The following SEMA4C variants were observed in gnomAD, a reference collection of about 807,000 sequenced individuals.
SEMA4C encodes semaphorin 4C.
SEMA4C carries 19 observed loss-of-function variants against 89.0 expected under a neutral mutation model. The ratio of observed to expected loss-of-function variants is 0.21; its 90% CI spans 0.15 to 0.31. SEMA4C has a LOEUF of 0.31. Ranked by LOEUF, SEMA4C falls within the 10% of genes least tolerant of loss-of-function variation. The probability of loss-of-function intolerance (pLI) is 1.00; values close to 1 mark genes in which losing one functional copy is unlikely to be tolerated. For synonymous variants in SEMA4C, 428 were observed against 472.7 expected (o/e 0.91, Z 1.23); for missense variants, 811 against 1,107.0 (o/e 0.73, Z 3.79).
chr2:96,865,802 G>T, intron 4 of SEMA4C, 38 bp from the exon 5 acceptor site: 2 of 1,613,474 alleles, frequency 1.2e-6, no homozygotes, highest in Non-Finnish European at 1.7e-6. Context: ...GAGAGCGCGA[G>T]GGCCAGAATG....
intron 11 of SEMA4C, 52 bp from the exon 12 acceptor site, chr2:96,863,846 C>CA: frequency 6.2e-7 from 1 of 1,603,182 alleles, no homozygotes; most frequent in South Asian, 1.1e-5. Flanking sequence ...GGCCGTGGGG[C>CA]AGCTCCAAAT....
rs1397690345 is a variant in SEMA4C at position 96,864,861 on chromosome 2, C to T, written c.806G>A (p.Arg269Gln). The change falls in exon 9 of 15, where the codon CGG becomes CAG. Residue 269 changes from arginine to glutamine, a missense_variant. Coordinates refer to ENST00000305476, the MANE Select transcript of SEMA4C (RefSeq NM_017789.5). The surrounding 1 kb of genome is among the most constrained non-coding windows in gnomAD (Gnocchi z 6.3). The stretch of plus-strand genomic sequence containing the variant: ...CGTGGTCCACTTCCTCTGCAGGGTC[C>T]GTGCGCCCCCCATATCGCCCTGGCA... ...RVCKGDMGGA[R>Q]TLQRKWTTFL... The T allele has an allele frequency of 6.2e-7, 1 of 1,613,160 alleles. No homozygotes were observed. Among genetic ancestry groups the T allele is most frequent in the Non-Finnish European group, 8.5e-7 (1 of 1,179,760 alleles).
chr2:96,864,528 G>A lies in SEMA4C; in HGVS notation c.963-146C>T. 7.1e-7 allele frequency: 1 copy of A among 1,402,632 alleles called. No homozygotes were observed. The highest frequency in any genetic ancestry group is 1.4e-5 in the African/African-American group (1 of 70,628). The allele number at this position is 1,402,632 out of a possible 1,614,324, so 86.9% of individuals were successfully genotyped here. A position where few individuals can be genotyped will look rare whatever the true frequency, so the allele number is the denominator to read the frequency against. ...TGGCAGCTCAAGTGCCACCTGGCATGGGGCCCTGCCCCTTCACAGGCAGCT... is the reference window on the plus strand; with the variant it reads ...TGGCAGCTCAAGTGCCACCTGGCATAGGGCCCTGCCCCTTCACAGGCAGCT... On this transcript the variant is annotated intron_variant, in intron 9 of 14. Transcript: ENST00000305476. This position sits in a 1 kb window ranked among gnomAD's most constrained non-coding sequence, Gnocchi z 6.3.
At chr2:96,866,764 C>T in intron 2 of SEMA4C, 3 of 431,388 alleles carry the variant, frequency 7.0e-6, no homozygotes, top group Non-Finnish European at 1.3e-5. Flanking sequence ...GCACCCCCAC[C>T]CCACCTTCGC....
At position 96,864,738 on chromosome 2, in the gene SEMA4C, T is replaced by G. The variant is rs372109047; in HGVS notation, c.929A>C (p.Asn310Thr). Residue 310 changes from asparagine (N) to threonine (T), a missense_variant, in exon 9 of 15, where the codon AAC (asparagine) becomes ACC (threonine). Asn to Thr is a moderately conservative substitution (Grantham distance 65). Around this residue, in one of 4 missense-constraint regions of SEMA4C, gnomAD observed 441 missense variants for 664.9 expected, o/e 0.66. Coordinates refer to ENST00000305476, the MANE Select transcript of SEMA4C (RefSeq NM_017789.5). The surrounding 1 kb of genome is among the most constrained non-coding windows in gnomAD (Gnocchi z 6.3). ...MHTLQDTSWH[N>T]TTFFGVFQAQ... The stretch of plus-strand genomic sequence containing the variant: ...TTGAAAAACCCCAAAGAAGGTGGTG[T>G]TGTGCCAGGAGGTGTCCTGCAGGGT... 1.7e-4 allele frequency: 279 copies of G among 1,612,630 alleles called. No homozygotes were observed. The highest frequency in any genetic ancestry group is 3.3e-4 in the African/African-American group (25 of 75,032).
At chr2:96,870,638 G>T, upstream of SEMA4C, 6 of 985,470 alleles carry the variant, frequency 6.1e-6, no homozygotes, top group Non-Finnish European at 7.2e-6. Flanking sequence ...CAGCCAGGAA[G>T]ACCCTTCAAT....
At position 96,864,931 on chromosome 2, in the gene SEMA4C, G is replaced by T. The variant is rs771261568; in HGVS notation, c.786+33C>A. 6 of 1,608,034 alleles carry T rather than the reference G, an allele frequency of 3.7e-6. No individual in the cohort carries two copies. Among genetic ancestry groups the T allele is most frequent in the Non-Finnish European group, 4.2e-6 (5 of 1,177,618 alleles). On this transcript the variant is annotated intron_variant, in intron 8 of 14. Coordinates refer to ENST00000305476, the MANE Select transcript of SEMA4C (RefSeq NM_017789.5). The surrounding 1 kb of genome is among the most constrained non-coding windows in gnomAD (Gnocchi z 6.3). ...CGGTCAGCCCCGCTGGGCCAGCAGGGCTCCCAGGGCCCACCGCTGTGAGAC... is the reference window on the plus strand; with the variant it reads ...CGGTCAGCCCCGCTGGGCCAGCAGGTCTCCCAGGGCCCACCGCTGTGAGAC...
Position 96,866,416 on chromosome 2 carries a change from A to G in SEMA4C, c.125T>C (p.Val42Ala). 1 of 1,613,958 alleles carries G rather than the reference A, an allele frequency of 6.2e-7. No homozygotes were observed. Among genetic ancestry groups the G allele is most frequent in the East Asian group, 2.2e-5 (1 of 44,890 alleles). Residue 42 changes from valine to alanine, a missense_variant, in exon 3 of 15, where the codon GTA (valine) becomes GCA (alanine). Val to Ala is a moderately conservative substitution (Grantham distance 64, BLOSUM62 0). This residue lies in a region of SEMA4C where 119 missense variants were observed against 152.7 expected (regional missense o/e 0.78). Coordinates refer to ENST00000305476, the MANE Select transcript of SEMA4C (RefSeq NM_017789.5). The stretch of plus-strand genomic sequence containing the variant: ...GATGCCGGTCTGGGAGAACCGCCGT[A>G]CTACCGTGGCCAGCTCTGCAGGGGT... ...TVSSGELATV[V>A]RRFSQTGIQD...
rs754386752 is a variant in SEMA4C, at chr2:96,861,772, G to A, written c.1566C>T (p.Asn522=). ...ARDPYCAWSV[N]TSRCVAVGGH... is the part of the protein sequence containing the mutation. ...CACCCACGGCCACACAGCGGCTGGT[G>A]TTGACGCTCCAGGCGCAATAGGGGT... is the stretch of plus-strand genomic sequence containing the variant. The change falls in exon 13 of 15, where the codon AAC becomes AAT. Residue 522 remains asparagine (N), a synonymous_variant. Transcript: ENST00000305476. The surrounding 1 kb of genome is among the most constrained non-coding windows in gnomAD (Gnocchi z 7.8). The A allele has an allele frequency of 3.7e-6, 6 of 1,613,504 alleles. No homozygotes were observed. The Admixed American group carries it at 8.3e-5, about 22-fold the overall frequency.
chr2:96,864,260 A>G lies in SEMA4C; in HGVS notation c.1085T>C (p.Val362Ala), dbSNP rs1320180825. 1 of 1,613,910 alleles carries G rather than the reference A, an allele frequency of 6.2e-7. No individual in the cohort carries two copies. The highest frequency in any genetic ancestry group is 1.3e-5 in the African/African-American group (1 of 74,922). ...CACCGAGCCAGGCCGAGGGCTGGGTACAGGGTCAGTGTAGCGGTCCCACTT... is the reference window on the plus strand; with the variant it reads ...CACCGAGCCAGGCCGAGGGCTGGGTGCAGGGTCAGTGTAGCGGTCCCACTT... ...AQKWDRYTDP[V>A]PSPRPGSCIN... The change falls in exon 10 of 15, where the codon GTA becomes GCA. Residue 362 changes from valine (V) to alanine (A), a missense_variant. Transcript: ENST00000305476. This position sits in a 1 kb window ranked among gnomAD's most constrained non-coding sequence, Gnocchi z 6.3.
intron 12 of SEMA4C, chr2:96,863,221 A>T: frequency 1.0e-6 from 1 of 990,624 alleles, no homozygotes. Context: ...AAAAAAAACC[A>T]AAAAGAGTAT....
chr2:96,861,858 G>A lies in SEMA4C; in HGVS notation c.1480C>T (p.Gln494Ter). 1 of 1,612,342 alleles carries A rather than the reference G, an allele frequency of 6.2e-7. No individual in the cohort carries two copies. ...TTCATGCAGTCGGCCACGGGCAGCT[G>A]CACCAGCTGAGAGCGGGAGCCGGCA... Reference protein sequence around the residue: ...LFAGSRSQLVQLPVADCMKYR... With the variant: ...LFAGSRSQLV Residue 494 changes from glutamine to a stop codon, truncating the protein, a stop_gained, in exon 13 of 15, where the codon CAG becomes TAG. Transcript: ENST00000305476. LOFTEE classifies it high-confidence loss of function. The surrounding 1 kb of genome is among the most constrained non-coding windows in gnomAD (Gnocchi z 7.8).
intron 2 of SEMA4C, chr2:96,867,059 C>T (rs1352011834): frequency 2.5e-5 from 5 of 200,412 alleles, no homozygotes; most frequent in Non-Finnish European, 3.1e-5. Flanking sequence ...TGCTGCCACC[C>T]GGCATGCAGG....
chr2:96,866,799 T>G, intron 2 of SEMA4C: 1 of 382,828 alleles, frequency 2.6e-6, no homozygotes. Context: ...CTTCCTTCTT[T>G]GCCCTGCTGC....
At position 96,861,654 on chromosome 2, in the gene SEMA4C, T is replaced by C. The variant is rs1020831011; in HGVS notation, c.1602-5A>G. 8 of 1,581,792 alleles carry C rather than the reference T, an allele frequency of 5.1e-6. No homozygotes were observed. The highest frequency in any genetic ancestry group is 1.3e-5 in the African/African-American group (1 of 74,258). Reference sequence around the variant, plus strand: ...ACATGCTGGATCAGTAGAGATCTGGTAGGGGATGTAGGGTACATCAGCAGC... The same window carrying C: ...ACATGCTGGATCAGTAGAGATCTGGCAGGGGATGTAGGGTACATCAGCAGC... On this transcript the variant is annotated splice_region_variant and splice_polypyrimidine_tract_variant and intron_variant, in intron 13 of 14. Coordinates refer to ENST00000305476, the MANE Select transcript of SEMA4C (RefSeq NM_017789.5). This position sits in a 1 kb window ranked among gnomAD's most constrained non-coding sequence, Gnocchi z 7.8.
In SEMA4C at chr2:96,870,063, G is replaced by A. The variant is rs1380195647; in HGVS notation, c.-225C>T. 4 of 977,850 alleles carry A rather than the reference G, an allele frequency of 4.1e-6. No homozygotes were observed. The highest frequency in any genetic ancestry group is 4.9e-6 in the Non-Finnish European group (4 of 823,042). 60.6% of individuals were successfully genotyped at this position (977,850 alleles called of 1,614,324 possible). On this transcript the variant is annotated 5_prime_UTR_variant, in exon 1 of 15. Coordinates refer to ENST00000305476, the MANE Select transcript of SEMA4C (RefSeq NM_017789.5). ...TCGGGCTCCCCGCGCCACCACGGCG[G>A]GCGCCGGCTCTTTCTCCAGCGCGGC...
At position 96,864,655 on chromosome 2, in the gene SEMA4C, G is replaced by T; in HGVS notation, c.962+50C>A. 6.4e-7 allele frequency: 1 copy of T among 1,564,552 alleles called. No homozygotes were observed. The highest frequency in any genetic ancestry group is 1.2e-5 in the South Asian group (1 of 83,156). ...AGGCTCCCACCCATGCACCGTCCCT[G>T]ACCTGAACCCCAGCTCCTCCCCACT... On this transcript the variant is annotated intron_variant, in intron 9 of 14. Coordinates refer to ENST00000305476, the MANE Select transcript of SEMA4C (RefSeq NM_017789.5). This position sits in a 1 kb window ranked among gnomAD's most constrained non-coding sequence, Gnocchi z 6.3.
upstream of SEMA4C, chr2:96,870,447 C>T: frequency 1.1e-6 from 1 of 904,582 alleles, no homozygotes; most frequent in Non-Finnish European, 1.3e-6. Flanking sequence ...CCCGACCGTG[C>T]AGTTGCAGGA....
Position 96,864,569 on chromosome 2 carries a change from G to T in SEMA4C, c.962+136C>A. ...ACAGGCAGCTCTGAAAGGGGCAGGT[G>T]CCAGCATTCTCCTTGGCTTCTGGAC... On this transcript the variant is annotated intron_variant, in intron 9 of 14. Coordinates refer to ENST00000305476, the MANE Select transcript of SEMA4C (RefSeq NM_017789.5). This position sits in a 1 kb window ranked among gnomAD's most constrained non-coding sequence, Gnocchi z 6.3. The T allele has an allele frequency of 7.4e-7, 1 of 1,348,548 alleles. No individual in the cohort carries two copies. The highest frequency in any genetic ancestry group is 1.0e-6 in the Non-Finnish European group (1 of 986,442). The allele number at this position is 1,348,548 out of a possible 1,614,324, so 83.5% of individuals were successfully genotyped here. A position where few individuals can be genotyped will look rare whatever the true frequency, so the allele number is the denominator to read the frequency against.
Sources: gnomAD v4.1 joint callset for allele counts on GRCh38, gnomAD v4.1.1 for gene constraint, gnomAD v4.1.1 regional missense constraint, Gnocchi (gnomAD v3.1) non-coding constraint, MANE v1.5 for transcripts, NCBI Gene and HGNC (gene_info 2026-07-23, HGNC 2026-07-21) for gene names.